Variants in C20orf203 observed in about 807,000 individuals in gnomAD.
The protein encoded by C20orf203 is uncharacterized protein C20orf203.
In C20orf203, 16 loss-of-function variants were observed where a neutral mutation model predicts 15.9. The observed-to-expected ratio is 1.01, with a 90% CI of 0.68 to 1.53. The LOEUF (loss-of-function observed/expected upper bound fraction) is 1.53. Ranked by LOEUF, C20orf203 falls within the 40% of genes most tolerant of loss-of-function variation. The pLI, the probability that C20orf203 is intolerant of heterozygous loss-of-function variation, is 0.00. For synonymous variants in C20orf203, 98 were observed against 97.2 expected (o/e 1.01, Z -0.05); for missense variants, 263 against 247.5 (o/e 1.06, Z -0.42).
In C20orf203 at chr20:32,638,573, G is replaced by A. The variant is rs570441303; in HGVS notation, c.*1299+1993C>T. Among the ~76,000 whole-genome samples the A allele has an allele frequency of 2.0e-5, 3 of 152,306 alleles. No individual in the cohort carries two copies. In the South Asian group the frequency reaches 6.2e-4, roughly 32 times the overall value. ...TGGTGGCCACCCTGGAAGAGGTGAGGGTAACCAAAGGGAAGAGGACAGAGA... is the reference window on the plus strand; with the variant it reads ...TGGTGGCCACCCTGGAAGAGGTGAGAGTAACCAAAGGGAAGAGGACAGAGA... On this transcript the variant is annotated intron_variant, in intron 5 of 5. Transcript: ENST00000608990.
intron 1 of C20orf203, among the ~76,000 whole-genome samples, chr20:32,659,286 C>T (rs940291356): frequency 1.3e-5 from 2 of 152,200 alleles, no homozygotes; most frequent in Non-Finnish European, 2.9e-5. Context: ...GAAGGTCACC[C>T]TGTTTCTGGC....
chr20:32,645,529 G>A (rs1982400641), intron 4 of C20orf203, among the ~76,000 whole-genome samples: 1 of 152,242 alleles, frequency 6.6e-6, no homozygotes, highest in East Asian at 1.9e-4. Context: ...GACTGGCTGA[G>A]TGGCTGCAGG....
chr20:32,638,789 T>C lies in C20orf203; in HGVS notation c.*1299+1777A>G, dbSNP rs575547502. Among the ~76,000 whole-genome samples the C allele has an allele frequency of 7.9e-5, 12 of 152,306 alleles. No homozygotes were observed. In the East Asian group the frequency reaches 2.1e-3, roughly 27 times the overall value. ...TCTCCAGGCCTCCACATGGGCTGGC[T>C]GCCATGCACTGGCCCTGGAGAGAAG... On this transcript the variant is annotated intron_variant, in intron 5 of 5. Coordinates refer to ENST00000608990, the MANE Select transcript of C20orf203 (RefSeq NM_182584.4).
intron 1 of C20orf203, among the ~76,000 whole-genome samples, chr20:32,661,731 C>A (rs1199426687): frequency 2.0e-5 from 3 of 152,130 alleles, no homozygotes; most frequent in Non-Finnish European, 1.5e-5. Context: ...GGACGGTCAG[C>A]AAGGGCCACC....
At chr20:32,665,593 C>T (rs1044169625) in intron 1 of C20orf203, among the ~76,000 whole-genome samples, 2 of 152,176 alleles carry the variant, frequency 1.3e-5, no homozygotes, top group Admixed American at 6.5e-5. Context: ...GCTAGAACAG[C>T]GCTGCCCAGT....
chr20:32,655,386 A>G (rs2145675197), intron 1 of C20orf203, among the ~76,000 whole-genome samples: 1 of 152,310 alleles, frequency 6.6e-6, no homozygotes, highest in East Asian at 1.9e-4. Context: ...AAGTGAAAAG[A>G]CAACCCACAG....
intron 1 of C20orf203, among the ~76,000 whole-genome samples, chr20:32,666,946 A>G (rs1983052177): frequency 6.6e-6 from 1 of 150,546 alleles, no homozygotes; most frequent in African/African-American, 2.4e-5. Context: ...ACCACGTACA[A>G]TTTGATATAT....
In C20orf203 at chr20:32,673,867, G is replaced by C. The variant is rs1403373225; in HGVS notation, c.-499C>G. 2.0e-5 allele frequency: 3 copies of C among 152,572 alleles called. No homozygotes were observed. Among genetic ancestry groups the C allele is most frequent in the Non-Finnish European group, 4.4e-5 (3 of 68,300 alleles). 9.5% of individuals were successfully genotyped at this position (152,572 alleles called of 1,614,324 possible). A position where few individuals can be genotyped will look rare whatever the true frequency, so the allele number is the denominator to read the frequency against. On this transcript the variant is annotated 5_prime_UTR_variant, in exon 1 of 6. Coordinates refer to ENST00000608990, the MANE Select transcript of C20orf203 (RefSeq NM_182584.4). ...TGGAAGGGCTGGGAGGCGGGGGGCA[G>C]AGTGGGGGCAGCCAAGGGTTTTGGG...
chr20:32,664,278 C>T (rs1470184637), intron 1 of C20orf203, among the ~76,000 whole-genome samples: 2 of 152,234 alleles, frequency 1.3e-5, no homozygotes, highest in African/African-American at 4.8e-5. Flanking sequence ...AGATCCAGGC[C>T]GGCCTCCTGC....
chr20:32,670,275 C>A (rs1412107424), intron 1 of C20orf203, among the ~76,000 whole-genome samples: 1 of 151,248 alleles, frequency 6.6e-6, no homozygotes, highest in Non-Finnish European at 1.5e-5. Context: ...GAGCCTGAGG[C>A]GGGCGGATCA....
intron 1 of C20orf203, among the ~76,000 whole-genome samples, chr20:32,671,458 T>G (rs891223045): frequency 5.9e-5 from 9 of 151,926 alleles, no homozygotes; most frequent in South Asian, 2.1e-4. Context: ...ATGATTCCAT[T>G]TATATGAGGA....
At chr20:32,646,566 C>A (rs952131608) in intron 4 of C20orf203, among the ~76,000 whole-genome samples, 1 of 152,130 alleles carries the variant, frequency 6.6e-6, no homozygotes, top group Non-Finnish European at 1.5e-5. Context: ...AGAAGGCCCA[C>A]ACTGATGGCC....
Position 32,650,558 on chromosome 20 carries a change from G to A in C20orf203, c.459C>T (p.Ser153=), listed in dbSNP as rs1331635994. The change falls in exon 4 of 6, where the codon TCC becomes TCT. Residue 153 remains serine, a synonymous_variant. Coordinates refer to ENST00000608990, the MANE Select transcript of C20orf203 (RefSeq NM_182584.4). ...AACATGTTGAGGTCCAGGCCAGCGA[G>A]GACAGAGCTTGGCCAAAGTCCCCCA... The part of the protein sequence containing the change: ...GTVGDFGQAL[S]SLAWTSTCFQ... 1.9e-6 allele frequency: 3 copies of A among 1,548,936 alleles called. No homozygotes were observed. Among genetic ancestry groups the A allele is most frequent in the South Asian group, 2.4e-5 (2 of 84,052 alleles).
At chr20:32,668,858 T>C (rs902525820) in intron 1 of C20orf203, among the ~76,000 whole-genome samples, 1 of 152,076 alleles carries the variant, frequency 6.6e-6, no homozygotes, top group African/African-American at 2.4e-5. Flanking sequence ...TTCTGGCTCT[T>C]ACTCAGAGCT....
chr20:32,651,168 T>TAAA lies in C20orf203; in HGVS notation c.-14-5_-14-3dup, dbSNP rs11313159. The stretch of plus-strand genomic sequence containing the variant: ...TAGGAAACATAGGAGACCCTCTCTC[T>TAAA]AAAAAAAAAAAAAAAAAAAAAAAAA... On this transcript the variant is annotated splice_polypyrimidine_tract_variant and splice_region_variant and intron_variant, in intron 2 of 5. Transcript: ENST00000608990. 2.8e-4 allele frequency: 84 copies of TAAA among 297,266 alleles called. No homozygotes were observed. The highest frequency in any genetic ancestry group is 9.5e-4 in the African/African-American group (26 of 27,324). The allele number at this position is 297,266 out of a possible 1,614,324, so 18.4% of individuals were successfully genotyped here. A position where few individuals can be genotyped will look rare whatever the true frequency, so the allele number is the denominator to read the frequency against.
chr20:32,672,544 G>T (rs1016897961), intron 1 of C20orf203, among the ~76,000 whole-genome samples: 1 of 150,134 alleles, frequency 6.7e-6, no homozygotes. Context: ...TTACACTTCA[G>T]TCTGGGTGAC....
chr20:32,665,295 G>A (rs181585568), intron 1 of C20orf203, among the ~76,000 whole-genome samples: 22 of 152,334 alleles, frequency 1.4e-4, no homozygotes, highest in Admixed American at 9.2e-4. Context: ...TGCAGAATGC[G>A]GGACAGTTCC....
intron 1 of C20orf203, among the ~76,000 whole-genome samples, chr20:32,662,952 G>GTTTTTT (rs777684329): frequency 2.3e-5 from 3 of 131,930 alleles, no homozygotes; most frequent in Admixed American, 7.9e-5. Flanking sequence ...TATAAATATA[G>GTTTTTT]TTTTTTTTTT....
intron 1 of C20orf203, among the ~76,000 whole-genome samples, chr20:32,662,665 C>T (rs1982918015): frequency 6.6e-6 from 1 of 151,812 alleles, no homozygotes; most frequent in African/African-American, 2.4e-5. Flanking sequence ...CTGAGGGGTC[C>T]TTCTCAGTGT....
Sources: gnomAD v4.1 joint callset for allele counts (sites outside exome capture counted in the v4.1 genomes callset) on GRCh38, gnomAD v4.1.1 for gene constraint, MANE v1.5 for transcripts, NCBI Gene and HGNC (gene_info 2026-07-23, HGNC 2026-07-21) for gene names.